Variants in TNFRSF10B observed in about 807,000 individuals in gnomAD.
The protein encoded by TNFRSF10B is tumor necrosis factor receptor superfamily member 10B.
Under a neutral mutation model 41.4 loss-of-function variants are expected in TNFRSF10B, and 35 were observed. The ratio of observed to expected loss-of-function variants is 0.85; its 90% CI spans 0.65 to 1.12. TNFRSF10B has a LOEUF of 1.12. Among genes scored for constraint, TNFRSF10B ranks in the 50% most tolerant of loss-of-function variants. The pLI is 0.00. For synonymous variants in TNFRSF10B, 230 were observed against 215.5 expected (o/e 1.07, Z -0.59); for missense variants, 584 against 552.7 (o/e 1.06, Z -0.57).
intron 2 of TNFRSF10B, among the ~76,000 whole-genome samples, chr8:23,031,472 C>T (rs1585209716): frequency 6.6e-6 from 1 of 151,994 alleles, no homozygotes; most frequent in Non-Finnish European, 1.5e-5. Flanking sequence ...CAGCTCACTG[C>T]ACCCTCGACC....
In TNFRSF10B at chr8:23,020,657, A is replaced by C. The variant is rs543325834; in HGVS notation, c.*2014T>G. ...CACTGAGCCAAGATCGTACCGTTGC[A>C]CTCCAGCCTGGGCGAGAGAGTGAGA... On this transcript the variant is annotated 3_prime_UTR_variant, in exon 9 of 9. Transcript: ENST00000276431. 1 of 453,986 alleles carries C rather than the reference A, an allele frequency of 2.2e-6. No individual in the cohort carries two copies. Among genetic ancestry groups the C allele is most frequent in the Non-Finnish European group, 4.4e-6 (1 of 226,780 alleles). The allele number at this position is 453,986 out of a possible 1,614,324, so 28.1% of individuals were successfully genotyped here. A position where few individuals can be genotyped will look rare whatever the true frequency, so the allele number is the denominator to read the frequency against.
intron 1 of TNFRSF10B, among the ~76,000 whole-genome samples, chr8:23,045,650 G>A (rs973539139): frequency 9.9e-5 from 15 of 152,112 alleles, no homozygotes; most frequent in Non-Finnish European, 1.6e-4. Flanking sequence ...AAAATTATAG[G>A]CCAATATCTC....
At chr8:23,037,067 G>T (rs1325375729) in intron 2 of TNFRSF10B, among the ~76,000 whole-genome samples, 1 of 152,190 alleles carries the variant, frequency 6.6e-6, no homozygotes. Context: ...AAACCATGAA[G>T]ATATTTGTGC....
rs1286915309 is a variant in TNFRSF10B, at chr8:23,068,792, G to T, written c.103C>A (p.Pro35Thr). 6.2e-7 allele frequency: 1 copy of T among 1,608,142 alleles called. No homozygotes were observed. The highest frequency in any genetic ancestry group is 1.1e-5 in the South Asian group (1 of 90,450). Residue 35 changes from proline (P) to threonine (T), a missense_variant, in exon 1 of 9, where the codon CCC becomes ACC. By Grantham distance (38) the Pro-to-Thr change is conservative. Transcript: ENST00000276431. ...GCGACAACGAGCACAAGGGTCTTGG[G>T]GACCCGGGGCCCAGGCCTGGCTCCC... ...ARGARPGPRV[P>T]KTLVLVVAAV...
intron 1 of TNFRSF10B, among the ~76,000 whole-genome samples, chr8:23,052,239 G>A (rs112454428): frequency 0.13 from 20,283 of 150,906 alleles, 1,741 homozygotes; most frequent in South Asian, 0.19. Flanking sequence ...AAAATATATC[G>A]TAGGAAAACA....
intron 1 of TNFRSF10B, among the ~76,000 whole-genome samples, chr8:23,061,979 G>T (rs1292473064): frequency 6.6e-6 from 1 of 152,036 alleles, no homozygotes; most frequent in Admixed American, 6.6e-5. Context: ...AGGGATACTG[G>T]GATATAGCTT....
Position 23,022,884 on chromosome 8 carries a change from C to T in TNFRSF10B, c.1110G>A (p.Val370=). ...KLGLMDNEIK[V]AKAEAAGHRD... is the part of the protein sequence containing the mutation. ...TGTGGCCCGCTGCCTCAGCTTTAGC[C>T]ACCTTTATCTCATTGTCCATGAGGC... The change falls in exon 9 of 9, where the codon GTG becomes GTA. Residue 370 remains valine, a synonymous_variant. Coordinates refer to ENST00000276431, the MANE Select transcript of TNFRSF10B (RefSeq NM_003842.5). 1 of 1,614,118 alleles carries T rather than the reference C, an allele frequency of 6.2e-7. No individual in the cohort carries two copies. The highest frequency in any genetic ancestry group is 8.5e-7 in the Non-Finnish European group (1 of 1,180,026).
In TNFRSF10B at chr8:23,050,475, CGG is replaced by C. The variant is rs1812494709; in HGVS notation, c.145-7234_145-7233del. Among the ~76,000 whole-genome samples the C allele has an allele frequency of 3.9e-5, 6 of 152,060 alleles. No individual in the cohort carries two copies. In the South Asian group the frequency reaches 1.2e-3, roughly 31 times the overall value. ...ATGTGCATATGTGTGTGTGTGCGCA[CGG>C]GGGCGTGAAGGCCTTTAAAAGGCCT... On this transcript the variant is annotated intron_variant, in intron 1 of 8. Coordinates refer to ENST00000276431, the MANE Select transcript of TNFRSF10B (RefSeq NM_003842.5).
chr8:23,054,663 C>G (rs1812610991), intron 1 of TNFRSF10B, among the ~76,000 whole-genome samples: 1 of 152,150 alleles, frequency 6.6e-6, no homozygotes, highest in African/African-American at 2.4e-5. Flanking sequence ...AGACCCTGTA[C>G]AGGGTTTCTG....
chr8:23,040,987 A>C (rs557997519), intron 2 of TNFRSF10B, among the ~76,000 whole-genome samples: 2 of 152,192 alleles, frequency 1.3e-5, no homozygotes, highest in East Asian at 3.9e-4. Flanking sequence ...AATGAAGTCC[A>C]TGTGGCTCAA....
intron 1 of TNFRSF10B, among the ~76,000 whole-genome samples, chr8:23,066,714 G>A (rs1048122398): frequency 1.3e-5 from 2 of 151,450 alleles, no homozygotes; most frequent in East Asian, 2.0e-4. Flanking sequence ...TGGCTAACAC[G>A]GTGAAACCCC....
At chr8:23,037,027 G>A (rs1812049186) in intron 2 of TNFRSF10B, among the ~76,000 whole-genome samples, 1 of 152,210 alleles carries the variant, frequency 6.6e-6, no homozygotes, top group East Asian at 1.9e-4. Context: ...GGGAAGAGGT[G>A]TGTGGATAGA....
At chr8:23,030,992 A>G (rs1412091658) in intron 2 of TNFRSF10B, 120 bp from the exon 3 acceptor site, 1 of 730,912 alleles carries the variant, frequency 1.4e-6, no homozygotes, top group Non-Finnish European at 2.4e-6. Context: ...AATCTCCTCT[A>G]CCTAGCTTGG....
intron 1 of TNFRSF10B, 122 bp from the exon 2 acceptor site, chr8:23,043,365 T>C (rs1812264082): frequency 1.4e-6 from 1 of 726,540 alleles, no homozygotes; most frequent in Non-Finnish European, 2.4e-6. Context: ...TTCTTGCAGC[T>C]CTCACCTCTC....
Position 23,020,720 on chromosome 8 carries a change from T to C in TNFRSF10B, c.*1951A>G, listed in dbSNP as rs1811491658. 2.2e-6 allele frequency: 1 copy of C among 453,726 alleles called. No individual in the cohort carries two copies. The allele number at this position is 453,726 out of a possible 1,614,324, so 28.1% of individuals were successfully genotyped here. ...AAAATTAAAAATAAAAGAAAAATCTTAAACACTGATAAGGCTGACACTCTA... is the reference window on the plus strand; with the variant it reads ...AAAATTAAAAATAAAAGAAAAATCTCAAACACTGATAAGGCTGACACTCTA... On this transcript the variant is annotated 3_prime_UTR_variant, in exon 9 of 9. Transcript: ENST00000276431.
chr8:23,046,419 C>T (rs1362552775), intron 1 of TNFRSF10B, among the ~76,000 whole-genome samples: 1 of 151,566 alleles, frequency 6.6e-6, no homozygotes, highest in East Asian at 1.9e-4. Context: ...CACTAATGAA[C>T]AAAACAGAAG....
chr8:23,035,605 AAATTTCAAGGGCCTT>A (rs755206984), intron 2 of TNFRSF10B, among the ~76,000 whole-genome samples: 1 of 152,168 alleles, frequency 6.6e-6, no homozygotes, highest in African/African-American at 2.4e-5. Flanking sequence ...AAATCTGACA[AAATTTCAAGGGCCTT>A]TTACCTCAGT....
At chr8:23,066,679 G>A (rs906049516) in intron 1 of TNFRSF10B, among the ~76,000 whole-genome samples, 3 of 151,480 alleles carry the variant, frequency 2.0e-5, no homozygotes, top group African/African-American at 4.9e-5. Flanking sequence ...AGGCTGAGGC[G>A]GGCAGATCAC....
Position 23,040,316 on chromosome 8 carries a change from AAT to A in TNFRSF10B, c.250+2820_250+2821del, listed in dbSNP as rs1238208162. ...AAATATATATAATATATATTTAATAAATATATATACAAAATATATATTTATTA... is the reference window on the plus strand; with the variant it reads ...AAATATATATAATATATATTTAATAAATATATACAAAATATATATTTATTA... On this transcript the variant is annotated intron_variant, in intron 2 of 8. Transcript: ENST00000276431. Among the ~76,000 whole-genome samples, 48 of 32,468 alleles carry A rather than the reference AAT, an allele frequency of 1.5e-3. 4 individuals carry two copies. The highest frequency in any genetic ancestry group is 2.6e-3 in the African/African-American group (48 of 18,382). 21.3% of individuals were successfully genotyped at this position (32,468 alleles called of 152,430 possible).
Sources: gnomAD v4.1 joint callset for allele counts (sites outside exome capture counted in the v4.1 genomes callset) on GRCh38, gnomAD v4.1.1 for gene constraint, MANE v1.5 for transcripts, NCBI Gene and HGNC (gene_info 2026-07-23, HGNC 2026-07-21) for gene names.